PDK2: variants seen among roughly 807,000 people sequenced by gnomAD.
PDK2 encodes pyruvate dehydrogenase kinase, isozyme 2.
A neutral mutation model predicts 50.4 loss-of-function variants in PDK2; 34 were observed. The observed-to-expected ratio is 0.68, with a 90% confidence interval of 0.51 to 0.90. PDK2 has a LOEUF of 0.90. PDK2 is among the 40% of genes least tolerant of loss of function. The pLI, the probability that PDK2 is intolerant of heterozygous loss-of-function variation, is 0.00. For synonymous variants in PDK2, 232 were observed against 216.0 expected, an observed-to-expected ratio of 1.07 and a Z score of -0.65; for missense variants, 377 against 544.5, an observed-to-expected ratio of 0.69 and a Z score of 3.06.
intron 4 of PDK2, 87 bp from the exon 5 acceptor site, chr17:50,106,707 G>A (rs1910533970): frequency 5.5e-6 from 6 of 1,100,674 alleles, no homozygotes; most frequent in African/African-American, 1.5e-5. Context: ...GGAGGTGAAA[G>A]TAGAAAGAGG....
Position 50,097,524 on chromosome 17 carries a change from C to T in PDK2, c.220C>T (p.Arg74Ter), listed in dbSNP as rs35550088. The change falls in exon 2 of 11, where the codon CGA (arginine) becomes TGA (stop). Residue 74 changes from arginine to a stop codon, truncating the protein, a stop_gained. Coordinates refer to ENST00000503176, the MANE Select transcript of PDK2 (RefSeq NM_002611.5). LOFTEE classifies it high-confidence loss of function. Reference sequence around the variant, plus strand: ...GAAAGAGATCAACCTGCTTCCCGACCGAGTGCTGAGCACACCCTCCGTGCA... The same window carrying T: ...GAAAGAGATCAACCTGCTTCCCGACTGAGTGCTGAGCACACCCTCCGTGCA... ...IMKEINLLPD[R>*]VLSTPSVQLV... 9 of 1,613,800 alleles carry T rather than the reference C, an allele frequency of 5.6e-6. No homozygotes were observed. The highest frequency in any genetic ancestry group is 7.6e-6 in the Non-Finnish European group (9 of 1,179,994).
chr17:50,106,394 T>C, intron 4 of PDK2: 2 of 469,244 alleles, frequency 4.3e-6, no homozygotes, highest in Non-Finnish European at 3.5e-6. Context: ...AGTTTCTTAT[T>C]CCAGGAGGAT....
intron 6 of PDK2, 86 bp downstream of exon 6, chr17:50,107,239 G>A (rs1910564557): frequency 1.0e-6 from 1 of 975,118 alleles, no homozygotes; most frequent in African/African-American, 1.6e-5. Flanking sequence ...GAGATGGACT[G>A]TTTTCTAGAC....
intron 2 of PDK2, among the ~76,000 whole-genome samples, chr17:50,102,404 G>A (rs1033034940): frequency 1.1e-4 from 16 of 152,194 alleles, no homozygotes; most frequent in Admixed American, 3.3e-4. Flanking sequence ...GCCAGCAGCT[G>A]GGGCACTCTC....
chr17:50,098,363 A>G (rs2144347120), intron 2 of PDK2: 1 of 152,308 alleles, frequency 6.6e-6, no homozygotes, highest in Non-Finnish European at 1.5e-5. Context: ...CTGAGCTCAA[A>G]GCCATGCGAA....
chr17:50,096,087 T>C, intron 1 of PDK2: 1 of 983,754 alleles, frequency 1.0e-6, no homozygotes, highest in Non-Finnish European at 1.2e-6. Context: ...TTTCAGAAGA[T>C]GCCATTGGGA....
chr17:50,106,101 C>T (rs1225281736), intron 4 of PDK2, 32 bp downstream of exon 4: 33 of 1,565,314 alleles, frequency 2.1e-5, no homozygotes, highest in Middle Eastern at 1.7e-4. Context: ...GGGGAGCGGG[C>T]GGTGGGGGGG....
chr17:50,097,448 C>T lies in PDK2; in HGVS notation c.144C>T (p.Thr48=), dbSNP rs1221359415. Reference sequence around the variant, plus strand: ...GATCCAGCAATGCCTGTGAGAAAACCTCCTTCACCTTCCTCAGGCAGGAGC... The same window carrying T: ...GATCCAGCAATGCCTGTGAGAAAACTTCCTTCACCTTCCTCAGGCAGGAGC... The part of the protein sequence containing the change: ...DFGSSNACEK[T]SFTFLRQELP... Residue 48 remains threonine (T), a synonymous_variant, in exon 2 of 11, where the codon ACC becomes ACT. Transcript: ENST00000503176. 1.2e-6 allele frequency: 2 copies of T among 1,613,804 alleles called. No individual in the cohort carries two copies. Among genetic ancestry groups the T allele is most frequent in the Non-Finnish European group, 1.7e-6 (2 of 1,179,900 alleles).
In PDK2 at chr17:50,108,729, C is replaced by T. The variant is rs1172729749; in HGVS notation, c.969+10C>T. ...CGGGGGAACGCCGCTGGTGAGATGG[C>T]TTCACCCCAGCCCCTCCCACCTCCT... is the stretch of plus-strand genomic sequence containing the variant. On this transcript the variant is annotated intron_variant, in intron 9 of 10. Coordinates refer to ENST00000503176, the MANE Select transcript of PDK2 (RefSeq NM_002611.5). 2 of 1,559,210 alleles carry T rather than the reference C, an allele frequency of 1.3e-6. No homozygotes were observed. The highest frequency in any genetic ancestry group is 1.8e-6 in the Non-Finnish European group (2 of 1,136,300).
At position 50,110,808 on chromosome 17, in the gene PDK2, C is replaced by T. The variant is rs1384997638; in HGVS notation, c.*711C>T. ...CCCTCCCAGCATGTCCTCACATGCT[C>T]ATGCCCACCCGCTCCTCCACAAGCC... is the stretch of plus-strand genomic sequence containing the variant. On this transcript the variant is annotated 3_prime_UTR_variant, in exon 11 of 11. Transcript: ENST00000503176. 6.6e-6 allele frequency: 1 copy of T among 152,262 alleles called. No individual in the cohort carries two copies. Among genetic ancestry groups the T allele is most frequent in the Non-Finnish European group, 1.5e-5 (1 of 68,094 alleles). The allele number at this position is 152,262 out of a possible 1,614,324, so 9.4% of individuals were successfully genotyped here. A position where few individuals can be genotyped will look rare whatever the true frequency, so the allele number is the denominator to read the frequency against.
At chr17:50,097,328 C>T (rs1033974356) in intron 1 of PDK2, 95 bp from the exon 2 acceptor site, 15 of 1,311,744 alleles carry the variant, frequency 1.1e-5, no homozygotes, top group Non-Finnish European at 1.5e-5. Context: ...GCTCTCTGAG[C>T]CCCCTGTTAA....
chr17:50,096,283 C>T (rs1909938291), intron 1 of PDK2: 1 of 985,360 alleles, frequency 1.0e-6, no homozygotes, highest in South Asian at 4.7e-5. Context: ...CCCAGGGCTG[C>T]TAGGTCAGGA....
At chr17:50,103,905 C>T (rs1055342550) in intron 2 of PDK2, among the ~76,000 whole-genome samples, 4 of 152,146 alleles carry the variant, frequency 2.6e-5, no homozygotes, top group Non-Finnish European at 5.9e-5. Flanking sequence ...CTGATTCCTG[C>T]CTGTCTGCCT....
rs1598207048 is a variant in PDK2, at chr17:50,097,455, A to C, written c.151A>C (p.Thr51Pro). 1 of 1,613,622 alleles carries C rather than the reference A, an allele frequency of 6.2e-7. No individual in the cohort carries two copies. Among genetic ancestry groups the C allele is most frequent in the Non-Finnish European group, 8.5e-7 (1 of 1,179,914 alleles). The change falls in exon 2 of 11, where the codon ACC becomes CCC. Residue 51 changes from threonine to proline, a missense_variant. Around this residue, in one of 3 missense-constraint regions of PDK2, gnomAD observed 100 missense variants for 115.5 expected, o/e 0.87. Transcript: ENST00000503176. ...SSNACEKTSF[T>P]FLRQELPVRL... ...CAATGCCTGTGAGAAAACCTCCTTC[A>C]CCTTCCTCAGGCAGGAGCTGCCTGT...
At chr17:50,105,295 G>T (rs9902933) in intron 2 of PDK2, 76 bp from the exon 3 acceptor site, 43,361 of 1,062,872 alleles carry the variant, frequency 0.041, 1,037 homozygotes, top group African/African-American at 0.078. Flanking sequence ...CAAGAGCAAG[G>T]CCCAGTTGAA....
At chr17:50,098,044 C>T (rs1451935733) in intron 2 of PDK2, among the ~76,000 whole-genome samples, 1 of 152,212 alleles carries the variant, frequency 6.6e-6, no homozygotes, top group Non-Finnish European at 1.5e-5. Context: ...ACAAGGATGG[C>T]ACAGTACCTT....
At position 50,097,430 on chromosome 17, in the gene PDK2, C is replaced by T. The variant is rs11546968; in HGVS notation, c.126C>T (p.Ser42=). The T allele has an allele frequency of 1.0e-3, 1,671 of 1,613,758 alleles. 1 individual carries two copies. In the African/African-American group the frequency reaches 0.012, roughly 12 times the overall value. The change falls in exon 2 of 11, where the codon AGC becomes AGT. Residue 42 remains serine, a synonymous_variant. Transcript: ENST00000503176. ...SMKQFLDFGS[S]NACEKTSFTF... is the part of the protein sequence containing the mutation. The stretch of plus-strand genomic sequence containing the variant: ...CCCTCTTTCTCCTGCCAGGATCCAG[C>T]AATGCCTGTGAGAAAACCTCCTTCA...
chr17:50,097,415 C>G lies in PDK2; in HGVS notation c.119-8C>G, dbSNP rs779273411. The G allele has an allele frequency of 3.1e-6, 5 of 1,613,298 alleles. No homozygotes were observed. Among genetic ancestry groups the G allele is most frequent in the Non-Finnish European group, 3.4e-6 (4 of 1,179,942 alleles). ...GGCTCTGTGGCTCACCCCTCTTTCT[C>G]CTGCCAGGATCCAGCAATGCCTGTG... On this transcript the variant is annotated splice_polypyrimidine_tract_variant and splice_region_variant and intron_variant, in intron 1 of 10. Transcript: ENST00000503176.
chr17:50,097,945 G>A (rs946304620), intron 2 of PDK2: 1 of 200,834 alleles, frequency 5.0e-6, no homozygotes, highest in African/African-American at 2.3e-5. Flanking sequence ...TTTTTGGGAA[G>A]CAGAAACAAG....
Sources: gnomAD v4.1 joint callset for allele counts (sites outside exome capture counted in the v4.1 genomes callset) on GRCh38, gnomAD v4.1.1 for gene constraint, gnomAD v4.1.1 regional missense constraint, MANE v1.5 for transcripts, NCBI Gene and HGNC (gene_info 2026-07-23, HGNC 2026-07-21) for gene names.